The following TERB1 variants were observed in gnomAD, a reference collection of about 807,000 sequenced individuals.
TERB1 encodes telomere repeat binding bouquet formation protein 1.
A neutral mutation model predicts 92.3 loss-of-function variants in TERB1; 63 were observed. The ratio of observed to expected loss-of-function variants is 0.68; its 90% CI spans 0.56 to 0.84. The LOEUF (loss-of-function observed/expected upper bound fraction) is 0.84, where lower values mean the gene tolerates loss of function less well. Ranked by LOEUF, TERB1 falls within the 40% of genes least tolerant of loss-of-function variation. TERB1 has a pLI of 0.00. For synonymous variants in TERB1, 252 were observed against 283.9 expected, an observed-to-expected ratio of 0.89 and a Z score of 1.13; for missense variants, 709 against 843.7, an observed-to-expected ratio of 0.84 and a Z score of 1.98.
Position 66,754,952 on chromosome 16 carries a change from T to A in TERB1, c.*24A>T. 1 of 1,532,728 alleles carries A rather than the reference T, an allele frequency of 6.5e-7. No homozygotes were observed. The allele number at this position is 1,532,728 out of a possible 1,614,324, so 94.9% of individuals were successfully genotyped here. A position where few individuals can be genotyped will look rare whatever the true frequency, so the allele number is the denominator to read the frequency against. ...GGCACTGTATTTTAAGAATCCAAAC[T>A]AAAAACTGACAGTCTTCTTTCAATC... On this transcript the variant is annotated 3_prime_UTR_variant, in exon 19 of 19. Transcript: ENST00000433154.
rs1424473940 is a variant in TERB1, at chr16:66,774,659, G to A, written c.1111+459C>T. Among the ~76,000 whole-genome samples, 8 of 148,872 alleles carry A rather than the reference G, an allele frequency of 5.4e-5. No individual in the cohort carries two copies. The East Asian group carries it at 7.9e-4, about 15-fold the overall frequency. Reference sequence around the variant, plus strand: ...ATGCTGAATATACCCTAGTTGTCATGTCCAAATTTTATACTCTGATTTTCT... The same window carrying A: ...ATGCTGAATATACCCTAGTTGTCATATCCAAATTTTATACTCTGATTTTCT... On this transcript the variant is annotated intron_variant, in intron 12 of 18. Coordinates refer to ENST00000433154, the MANE Select transcript of TERB1 (RefSeq NM_001136505.2).
Position 66,769,978 on chromosome 16 carries a change from A to C in TERB1, c.1604T>G (p.Phe535Cys), listed in dbSNP as rs996487061. 1.0e-5 allele frequency: 16 copies of C among 1,549,586 alleles called. No homozygotes were observed. The highest frequency in any genetic ancestry group is 1.3e-5 in the Non-Finnish European group (15 of 1,146,142). Residue 535 changes from phenylalanine (F) to cysteine (C), a missense_variant, in exon 14 of 19, where the codon TTT becomes TGT. By Grantham distance (205) the Phe-to-Cys change is radical. Coordinates refer to ENST00000433154, the MANE Select transcript of TERB1 (RefSeq NM_001136505.2). ...TAAACTATACCTTGATTGAGAAACA[A>C]AATTCTTTTCAAAAGTAGTTTCTTC... ...LHEETTFEKN[F>C]VSQSSDHVFK... is the part of the protein sequence containing the mutation.
At position 66,754,806 on chromosome 16, in the gene TERB1, T is replaced by C; in HGVS notation, c.*170A>G. The C allele has an allele frequency of 1.6e-6, 1 of 621,268 alleles. No individual in the cohort carries two copies. The highest frequency in any genetic ancestry group is 2.2e-5 in the South Asian group (1 of 45,182). 38.5% of individuals were successfully genotyped at this position (621,268 alleles called of 1,614,324 possible). On this transcript the variant is annotated 3_prime_UTR_variant, in exon 19 of 19. Transcript: ENST00000433154. ...CTGTACACTGATGATATATTTGCTT[T>C]ATAAATCATTGTAATTTGATGAGTT...
At chr16:66,759,105 C>G (rs762288548) in intron 17 of TERB1, 36 bp downstream of exon 17, 3 of 1,466,576 alleles carry the variant, frequency 2.0e-6, no homozygotes, top group Non-Finnish European at 2.8e-6. Context: ...GAAGGTATAG[C>G]CATAATTACA....
Position 66,777,272 on chromosome 16 carries a change from G to A in TERB1, c.916C>T (p.His306Tyr). ...IVSKLLALLL[H>Y]ESLDSGEKFS... ...TTTTCTCCTGAATCCAGACTTTCAT[G>A]AAGCAGTAATGCCAGAAGTTTAGAA... The change falls in exon 11 of 19, where the codon CAT becomes TAT. Residue 306 changes from histidine to tyrosine, a missense_variant. Coordinates refer to ENST00000433154, the MANE Select transcript of TERB1 (RefSeq NM_001136505.2). 6.4e-7 allele frequency: 1 copy of A among 1,550,410 alleles called. No individual in the cohort carries two copies. Among genetic ancestry groups the A allele is most frequent in the Non-Finnish European group, 8.7e-7 (1 of 1,145,946 alleles).
chr16:66,772,563 A>G (rs1470096123), intron 13 of TERB1, 26 bp downstream of exon 13: 1 of 1,522,034 alleles, frequency 6.6e-7, no homozygotes, highest in Non-Finnish European at 8.8e-7. Flanking sequence ...AAAAAGTTCT[A>G]TATTCTTTAA....
intron 16 of TERB1, among the ~76,000 whole-genome samples, chr16:66,764,009 G>C (rs1448937789): frequency 2.6e-5 from 4 of 152,184 alleles, no homozygotes; most frequent in African/African-American, 9.7e-5. Context: ...AAGTATGGGA[G>C]AAAAGCTGGG....
In TERB1 at chr16:66,769,977, A is replaced by C; in HGVS notation, c.1605T>G (p.Phe535Leu). 6.5e-7 allele frequency: 1 copy of C among 1,549,506 alleles called. No individual in the cohort carries two copies. The highest frequency in any genetic ancestry group is 8.7e-7 in the Non-Finnish European group (1 of 1,145,920). Reference protein sequence around the residue: ...LHEETTFEKNFVSQSSDHVFK... With the variant: ...LHEETTFEKNLVSQSSDHVFK... ...TTAAACTATACCTTGATTGAGAAACAAAATTCTTTTCAAAAGTAGTTTCTT... is the reference window on the plus strand; with the variant it reads ...TTAAACTATACCTTGATTGAGAAACCAAATTCTTTTCAAAAGTAGTTTCTT... The change falls in exon 14 of 19, where the codon TTT (phenylalanine) becomes TTG (leucine). Residue 535 changes from phenylalanine to leucine, a missense_variant. Phe to Leu is a conservative substitution (Grantham distance 22). Transcript: ENST00000433154.
Position 66,754,819 on chromosome 16 carries a change from A to G in TERB1, c.*157T>C. On this transcript the variant is annotated 3_prime_UTR_variant, in exon 19 of 19. Transcript: ENST00000433154. ...ATATATTTGCTTTATAAATCATTGTAATTTGATGAGTTTCAGCATCACAAA... is the reference window on the plus strand; with the variant it reads ...ATATATTTGCTTTATAAATCATTGTGATTTGATGAGTTTCAGCATCACAAA... The G allele has an allele frequency of 1.5e-6, 1 of 645,932 alleles. No individual in the cohort carries two copies. The highest frequency in any genetic ancestry group is 2.6e-6 in the Non-Finnish European group (1 of 383,184). 40.0% of individuals were successfully genotyped at this position (645,932 alleles called of 1,614,324 possible).
intron 16 of TERB1, 121 bp downstream of exon 16, chr16:66,767,294 G>GC: frequency 1.7e-6 from 1 of 575,922 alleles, no homozygotes; most frequent in African/African-American, 2.0e-5. Context: ...AGCCAAGATC[G>GC]CGCCACTGCA....
chr16:66,798,016 G>C (rs1959207624), intron 2 of TERB1, among the ~76,000 whole-genome samples: 2 of 150,570 alleles, frequency 1.3e-5, no homozygotes, highest in Admixed American at 1.3e-4. Flanking sequence ...CCAACACTAT[G>C]TTGTTAAAGA....
rs2018186109 is a variant in TERB1, at chr16:66,759,147, T to C, written c.1924A>G (p.Asn642Asp). The change falls in exon 17 of 19, where the codon AAC becomes GAC. Residue 642 changes from asparagine to aspartate, a missense_variant. Asn to Asp is a conservative substitution (Grantham distance 23). Transcript: ENST00000433154. ...AAGCTGCTGAATTAATTACTTTTGT[T>C]ACAGATAAGTGATTTCCTTAGTTCA... ...KSELRKSLIC[N>D]KKILLTPRRR... is the part of the protein sequence containing the mutation. 1 of 1,538,096 alleles carries C rather than the reference T, an allele frequency of 6.5e-7. No homozygotes were observed. Among genetic ancestry groups the C allele is most frequent in the Non-Finnish European group, 8.7e-7 (1 of 1,143,338 alleles).
chr16:66,799,521 C>A (rs1180357726), intron 2 of TERB1, among the ~76,000 whole-genome samples: 1 of 151,948 alleles, frequency 6.6e-6, no homozygotes, highest in East Asian at 1.9e-4. Context: ...AGCCACCGTG[C>A]CTGGCCTAAG....
intron 16 of TERB1, among the ~76,000 whole-genome samples, chr16:66,765,048 GA>G (rs1476758179): frequency 2.0e-5 from 3 of 152,202 alleles, no homozygotes; most frequent in Admixed American, 6.5e-5. Context: ...AGGTCTTGAG[GA>G]GAATACTTGT....
chr16:66,775,865 C>G (rs2018539714), intron 11 of TERB1, among the ~76,000 whole-genome samples: 1 of 151,620 alleles, frequency 6.6e-6, no homozygotes, highest in South Asian at 2.1e-4. Context: ...CACACGCCAC[C>G]ATGCCCAGCT....
intron 18 of TERB1, among the ~76,000 whole-genome samples, chr16:66,756,406 G>A (rs544588128): frequency 2.0e-4 from 30 of 152,174 alleles, no homozygotes; most frequent in Non-Finnish European, 3.7e-4. Context: ...CTCCATGAGG[G>A]CAGCAATTTT....
chr16:66,796,853 C>A, intron 2 of TERB1, 23 bp from the exon 3 acceptor site: 1 of 1,237,090 alleles, frequency 8.1e-7, no homozygotes, highest in South Asian at 1.4e-5. Flanking sequence ...GGTATTTTCT[C>A]AATTTAAATC....
At chr16:66,762,237 T>C (rs982604361) in intron 16 of TERB1, among the ~76,000 whole-genome samples, 17 of 152,236 alleles carry the variant, frequency 1.1e-4, no homozygotes, top group African/African-American at 3.9e-4. Flanking sequence ...TATTAACTCA[T>C]GGCTAATCAT....
At chr16:66,768,660 G>C (rs1156630357) in intron 14 of TERB1, among the ~76,000 whole-genome samples, 7 of 152,168 alleles carry the variant, frequency 4.6e-5, no homozygotes, top group African/African-American at 1.7e-4. Flanking sequence ...ACAGAAAAAG[G>C]CAAGAACTGT....
Sources: gnomAD v4.1 joint callset for allele counts (sites outside exome capture counted in the v4.1 genomes callset) on GRCh38, gnomAD v4.1.1 for gene constraint, MANE v1.5 for transcripts, NCBI Gene and HGNC (gene_info 2026-07-23, HGNC 2026-07-21) for gene names.